RAB11FIP3: variants seen among roughly 807,000 people sequenced by gnomAD.
RAB11FIP3 encodes RAB11 family interacting protein 3.
Under a neutral mutation model 77.8 loss-of-function variants are expected in RAB11FIP3, and 17 were observed. The ratio of observed to expected loss-of-function variants is 0.22; its 90% CI spans 0.15 to 0.33. The LOEUF is 0.33. Ranked by LOEUF, RAB11FIP3 falls within the 10% of genes least tolerant of loss-of-function variation. The probability of loss-of-function intolerance (pLI) is 1.00; values close to 1 mark genes in which losing one functional copy is unlikely to be tolerated. For synonymous variants in RAB11FIP3, 437 were observed against 448.2 expected, an observed-to-expected ratio of 0.98 and a Z score of 0.31; for missense variants, 1,005 against 1,011.2, an observed-to-expected ratio of 0.99 and a Z score of 0.08.
intron 6 of RAB11FIP3, among the ~76,000 whole-genome samples, chr16:500,495 A>G (rs567342876): frequency 6.6e-6 from 1 of 152,118 alleles, no homozygotes; most frequent in Non-Finnish European, 1.5e-5. Flanking sequence ...AGCCTGGCCA[A>G]CATAGTGAAA....
In RAB11FIP3 at chr16:466,959, G is replaced by A. The variant is rs1368768998; in HGVS notation, c.809-4336G>A. ...CAGGCTGGTGGAGGTGGCTGCAGCC[G>A]AGGGAGAGCACGGCTGGCACCTGTG... is the stretch of plus-strand genomic sequence containing the variant. On this transcript the variant is annotated intron_variant, in intron 2 of 13. Coordinates refer to ENST00000262305, the MANE Select transcript of RAB11FIP3 (RefSeq NM_014700.4). 2.6e-5 allele frequency among the ~76,000 whole-genome samples: 4 copies of A among 152,180 alleles called. No homozygotes were observed. The East Asian group carries it at 5.8e-4, about 22-fold the overall frequency.
At chr16:443,635 G>C (rs1176527416) in intron 1 of RAB11FIP3, among the ~76,000 whole-genome samples, 3 of 152,130 alleles carry the variant, frequency 2.0e-5, no homozygotes, top group Non-Finnish European at 4.4e-5. Flanking sequence ...GCGCGATCTT[G>C]GCTCACTGCA....
rs974718524 is a variant in RAB11FIP3, at chr16:520,692, G to A, written c.2158-34G>A. ...TTATGCGCTGTGGCCTGTGGCCCAT[G>A]CGCCTCAGCTCTGACCACCTGCTTG... is the stretch of plus-strand genomic sequence containing the variant. On this transcript the variant is annotated intron_variant, in intron 13 of 13. Coordinates refer to ENST00000262305, the MANE Select transcript of RAB11FIP3 (RefSeq NM_014700.4). The A allele has an allele frequency of 1.2e-5, 19 of 1,612,444 alleles. No individual in the cohort carries two copies. In the African/African-American group the frequency reaches 2.5e-4, roughly 22 times the overall value.
intron 2 of RAB11FIP3, among the ~76,000 whole-genome samples, chr16:462,792 A>ATCCCTTCCCCAGCACCG (rs2055635750): frequency 2.4e-5 from 2 of 82,284 alleles, no homozygotes; most frequent in Admixed American, 1.5e-4. Context: ...CCCCAGCACC[A>ATCCCTTCCCCAGCACCG]TCCCTTCCCC....
chr16:455,400 G>A (rs1284115380), intron 1 of RAB11FIP3, among the ~76,000 whole-genome samples: 1 of 151,672 alleles, frequency 6.6e-6, no homozygotes, highest in Non-Finnish European at 1.5e-5. Flanking sequence ...CTTGAACCCG[G>A]GAGGTGGAGG....
At chr16:479,260 C>T (rs1212444808) in intron 3 of RAB11FIP3, among the ~76,000 whole-genome samples, 1 of 152,104 alleles carries the variant, frequency 6.6e-6, no homozygotes, top group Non-Finnish European at 1.5e-5. Context: ...GGTGTGGTGG[C>T]TCACACCTAT....
rs1314496291 is a variant in RAB11FIP3 at position 433,837 on chromosome 16, CAG to C, written c.714+7120_714+7121del. Among the ~76,000 whole-genome samples, 3 of 144,172 alleles carry C rather than the reference CAG, an allele frequency of 2.1e-5. No individual in the cohort carries two copies. The Admixed American group carries it at 2.1e-4, about 10-fold the overall frequency. The allele number at this position is 144,172 out of a possible 152,430, so 94.6% of individuals were successfully genotyped here. ...TGCCACTGCACTCCAGTCTGGGTGA[CAG>C]AGCGAGACTCTGTCTCAAAAAAAAA... On this transcript the variant is annotated intron_variant, in intron 1 of 13. Transcript: ENST00000262305.
Position 520,782 on chromosome 16 carries a change from C to T in RAB11FIP3, c.2214C>T (p.Ile738=), listed in dbSNP as rs149343842. 176 of 1,613,826 alleles carry T rather than the reference C, an allele frequency of 1.1e-4. No homozygotes were observed. In the African/African-American group the frequency reaches 2.1e-3, roughly 19 times the overall value. Residue 738 remains isoleucine, a synonymous_variant, in exon 14 of 14, where the codon ATC becomes ATT. Coordinates refer to ENST00000262305, the MANE Select transcript of RAB11FIP3 (RefSeq NM_014700.4). ...TCAACTTCCGCCTGCAGGACTACATCGACAGGATCATCGTGGCCATCATGG... is the reference window on the plus strand; with the variant it reads ...TCAACTTCCGCCTGCAGGACTACATTGACAGGATCATCGTGGCCATCATGG... ...EEINFRLQDY[I]DRIIVAIMET...
At chr16:496,328 T>C (rs1322220691) in intron 5 of RAB11FIP3, among the ~76,000 whole-genome samples, 1 of 152,258 alleles carries the variant, frequency 6.6e-6, no homozygotes, top group Non-Finnish European at 1.5e-5. Flanking sequence ...CTATATTTAC[T>C]GCCCTGAAAT....
chr16:492,416 C>CGGGAGACCCG (rs1423035896), intron 5 of RAB11FIP3, among the ~76,000 whole-genome samples: 2 of 143,572 alleles, frequency 1.4e-5, no homozygotes, highest in African/African-American at 5.2e-5. Context: ...CGAGGCCGCC[C>CGGGAGACCCG]AGGGCCCTCC....
chr16:500,155 C>T (rs2031411845), intron 6 of RAB11FIP3, among the ~76,000 whole-genome samples: 1 of 152,186 alleles, frequency 6.6e-6, no homozygotes, highest in Admixed American at 6.5e-5. Context: ...AGACCGGGGG[C>T]TCCGGGCAGA....
chr16:461,870 G>A lies in RAB11FIP3; in HGVS notation c.808+373G>A, dbSNP rs952572929. Among the ~76,000 whole-genome samples the A allele has an allele frequency of 2.0e-5, 3 of 152,056 alleles. No homozygotes were observed. The highest frequency in any genetic ancestry group is 1.9e-4 in the East Asian group (1 of 5,190). On this transcript the variant is annotated intron_variant, in intron 2 of 13. Transcript: ENST00000262305. The surrounding 1 kb of genome is among the most constrained non-coding windows in gnomAD (Gnocchi z 4.5). ...GCACTTCGTCGCACTCTCTCCCCACGTCTCTGTCCATCTCCAGTCTGTCCC... is the reference window on the plus strand; with the variant it reads ...GCACTTCGTCGCACTCTCTCCCCACATCTCTGTCCATCTCCAGTCTGTCCC...
chr16:458,676 A>G (rs12920398), intron 1 of RAB11FIP3, among the ~76,000 whole-genome samples: 41,940 of 114,952 alleles, frequency 0.36, 10,654 homozygotes, highest in Middle Eastern at 0.52. Context: ...ATGTGGCTAC[A>G]GCCAGGGCTC....
rs1182217749 is a variant in RAB11FIP3 at position 514,239 on chromosome 16, C to T, written c.1640+3439C>T. On this transcript the variant is annotated intron_variant, in intron 9 of 13. Coordinates refer to ENST00000262305, the MANE Select transcript of RAB11FIP3 (RefSeq NM_014700.4). This position sits in a 1 kb window ranked among gnomAD's most constrained non-coding sequence, Gnocchi z 4.6. ...CTGCTCAGGCCGTCAGAGGCCCCTG[C>T]AGCCCCAGGTCAGCAACCTGCGGTC... Among the ~76,000 whole-genome samples the T allele has an allele frequency of 6.6e-6, 1 of 151,620 alleles. No individual in the cohort carries two copies. The highest frequency in any genetic ancestry group is 1.5e-5 in the Non-Finnish European group (1 of 68,042).
chr16:465,394 A>G (rs2055684792), intron 2 of RAB11FIP3, among the ~76,000 whole-genome samples: 1 of 152,190 alleles, frequency 6.6e-6, no homozygotes, highest in African/African-American at 2.4e-5. Context: ...TTGGTCCAGT[A>G]ACAAGCCATA....
At chr16:463,116 A>G (rs1216231626) in intron 2 of RAB11FIP3, among the ~76,000 whole-genome samples, 2 of 151,986 alleles carry the variant, frequency 1.3e-5, no homozygotes, top group East Asian at 1.9e-4. Flanking sequence ...CAGTCCCCAT[A>G]CTATACACTG....
At chr16:463,982 G>T (rs1264095371) in intron 2 of RAB11FIP3, among the ~76,000 whole-genome samples, 1 of 152,196 alleles carries the variant, frequency 6.6e-6, no homozygotes, top group Non-Finnish European at 1.5e-5. Context: ...AGGGGAGAAA[G>T]GACACCCTGA....
chr16:466,921 T>G (rs2055710456), intron 2 of RAB11FIP3, among the ~76,000 whole-genome samples: 1 of 152,114 alleles, frequency 6.6e-6, no homozygotes, highest in Admixed American at 6.6e-5. Context: ...TCTCACTGCA[T>G]TAGAGCTTGA....
rs2031350946 is a variant in RAB11FIP3 at position 499,312 on chromosome 16, TTCA to T, written c.1301+2457_1301+2459del. 4.6e-5 allele frequency among the ~76,000 whole-genome samples: 7 copies of T among 152,318 alleles called. No homozygotes were observed. The South Asian group carries it at 1.5e-3, about 32-fold the overall frequency. The stretch of plus-strand genomic sequence containing the variant: ...ACTTCAGCATCACCTTCCTCCCCGC[TTCA>T]TCAAGTCTTTTACTCCAGACAGGCT... On this transcript the variant is annotated intron_variant, in intron 6 of 13. Transcript: ENST00000262305.
Sources: allele counts gnomAD v4.1 joint callset (sites outside exome capture counted in the v4.1 genomes callset), GRCh38; gene constraint gnomAD v4.1.1; non-coding constraint Gnocchi (gnomAD v3.1); transcripts MANE v1.5; gene names NCBI Gene and HGNC (gene_info 2026-07-23, HGNC 2026-07-21).